Variants in UBE2L3 observed in about 807,000 individuals in gnomAD.
UBE2L3 encodes the protein ubiquitin conjugating enzyme E2 L3.
UBE2L3 carries 1 observed loss-of-function variant against 17.8 expected under a neutral mutation model. The observed-to-expected ratio is 0.06, with a 90% CI of 0.02 to 0.27. The LOEUF (loss-of-function observed/expected upper bound fraction) is 0.27, where lower values mean the gene tolerates loss of function less well. Among genes scored for constraint, UBE2L3 ranks in the 10% least tolerant of loss-of-function variants. The pLI is 1.00. For missense variants in UBE2L3, 40 were observed against 192.6 expected (o/e 0.21, Z 4.69); for synonymous variants, 44 against 68.5 (o/e 0.64, Z 1.76).
chr22:21,577,137 C>T lies in UBE2L3; in HGVS notation c.27+9366C>T, dbSNP rs891073476. The stretch of plus-strand genomic sequence containing the variant: ...GCGCTCGCCACTACACCCAGCTAAT[C>T]TTTTGTATTTTTAGTAGAAACGGGG... On this transcript the variant is annotated intron_variant, in intron 1 of 3. Transcript: ENST00000342192. Among the ~76,000 whole-genome samples, 4 of 151,624 alleles carry T rather than the reference C, an allele frequency of 2.6e-5. No individual in the cohort carries two copies. In the South Asian group the frequency reaches 8.3e-4, roughly 32 times the overall value.
intron 1 of UBE2L3, among the ~76,000 whole-genome samples, chr22:21,568,779 A>G (rs979022895): frequency 6.6e-6 from 1 of 152,064 alleles, no homozygotes; most frequent in African/African-American, 2.4e-5. Context: ...AGGGGAGATA[A>G]AGAGCTGGGG....
intron 1 of UBE2L3, among the ~76,000 whole-genome samples, chr22:21,561,880 TG>T (rs1444575511): frequency 6.6e-6 from 1 of 152,146 alleles, no homozygotes; most frequent in Non-Finnish European, 1.5e-5. Context: ...AGCCCAGTGA[TG>T]GGCCACTTCT....
chr22:21,571,297 TGC>T (rs1009722927), intron 1 of UBE2L3, among the ~76,000 whole-genome samples: 2 of 152,206 alleles, frequency 1.3e-5, no homozygotes, highest in African/African-American at 4.8e-5. Context: ...AGCTTCACAC[TGC>T]ACACATTTCC....
At chr22:21,559,992 G>A (rs533674705) in intron 1 of UBE2L3, among the ~76,000 whole-genome samples, 2 of 152,414 alleles carry the variant, frequency 1.3e-5, no homozygotes, top group Admixed American at 6.5e-5. Context: ...AGTATGGTGC[G>A]AGCTTCTAGC....
At chr22:21,584,453 G>A (rs932178176) in intron 1 of UBE2L3, among the ~76,000 whole-genome samples, 15 of 152,032 alleles carry the variant, frequency 9.9e-5, no homozygotes, top group African/African-American at 3.4e-4. Context: ...GGAATTACAG[G>A]CGTGAGCCAC....
chr22:21,601,684 A>G (rs1264426322), intron 2 of UBE2L3, among the ~76,000 whole-genome samples: 4 of 151,582 alleles, frequency 2.6e-5, no homozygotes, highest in Non-Finnish European at 5.9e-5. Flanking sequence ...AGCCTGGGGC[A>G]GGGCCAGGCA....
intron 1 of UBE2L3, among the ~76,000 whole-genome samples, chr22:21,586,103 T>A (rs753963371): frequency 6.6e-6 from 1 of 152,018 alleles, no homozygotes. Context: ...ACCTGGCTAA[T>A]TTTTTAATTT....
rs568216626 is a variant in UBE2L3, at chr22:21,579,979, A to C, written c.27+12208A>C. On this transcript the variant is annotated intron_variant, in intron 1 of 3. Coordinates refer to ENST00000342192, the MANE Select transcript of UBE2L3 (RefSeq NM_003347.4). ...TTTTGCCTGAGCAGTAGGAGCCTAG[A>C]AATATTCCTTGCACAACACAGGCAC... 8.5e-4 allele frequency among the ~76,000 whole-genome samples: 130 copies of C among 152,304 alleles called. 1 individual carries two copies. Among genetic ancestry groups the C allele is most frequent in the African/African-American group, 3.1e-3 (127 of 41,560 alleles).
intron 1 of UBE2L3, among the ~76,000 whole-genome samples, chr22:21,574,347 C>G (rs531174831): frequency 6.6e-6 from 1 of 152,116 alleles, no homozygotes; most frequent in Non-Finnish European, 1.5e-5. Flanking sequence ...TTAGTTACTT[C>G]GTCCGTGTGT....
At chr22:21,576,796 CTTTCCTTTTTTTT>C (rs1441287864) in intron 1 of UBE2L3, among the ~76,000 whole-genome samples, 1 of 136,318 alleles carries the variant, frequency 7.3e-6, no homozygotes, top group Non-Finnish European at 1.5e-5. Flanking sequence ...CTTGTCTTCT[CTTTCCTTTTTTTT>C]TTTTTTTTTT....
In UBE2L3 at chr22:21,593,042, A is replaced by G; in HGVS notation, c.123+86A>G. The G allele has an allele frequency of 3.4e-6, 4 of 1,182,942 alleles. No individual in the cohort carries two copies. In the South Asian group the frequency reaches 3.7e-5, roughly 11 times the overall value. 73.3% of individuals were successfully genotyped at this position (1,182,942 alleles called of 1,614,324 possible). A position where few individuals can be genotyped will look rare whatever the true frequency, so the allele number is the denominator to read the frequency against. On this transcript the variant is annotated intron_variant, in intron 2 of 3. Transcript: ENST00000342192. The stretch of plus-strand genomic sequence containing the variant: ...TGGGCTTGTTTTTCTGCTCCTTAGT[A>G]GGCTCTTAGTCTAGGCAGCCAGCAG...
rs369707082 is a variant in UBE2L3, at chr22:21,578,284, C to T, written c.27+10513C>T. 1.6e-4 allele frequency among the ~76,000 whole-genome samples: 24 copies of T among 151,466 alleles called. No individual in the cohort carries two copies. In the East Asian group the frequency reaches 3.5e-3, roughly 22 times the overall value. ...CTGAGGCAGGAGAATGGTGTGAACC[C>T]GGGAGTCGGAGCTTGTAGTGAGCCG... On this transcript the variant is annotated intron_variant, in intron 1 of 3. Coordinates refer to ENST00000342192, the MANE Select transcript of UBE2L3 (RefSeq NM_003347.4).
chr22:21,606,062 T>G (rs1929140646), intron 2 of UBE2L3, among the ~76,000 whole-genome samples: 2 of 152,252 alleles, frequency 1.3e-5, no homozygotes, highest in African/African-American at 4.8e-5. Context: ...AGGCTGTTGC[T>G]ACTCCCATTT....
At chr22:21,566,809 A>G (rs1926656765), upstream of UBE2L3, among the ~76,000 whole-genome samples, 1 of 151,730 alleles carries the variant, frequency 6.6e-6, no homozygotes, top group Non-Finnish European at 1.5e-5. Flanking sequence ...ATTCTCCTCC[A>G]GTCCTCCCAG....
chr22:21,603,907 A>AT (rs144747629), intron 2 of UBE2L3, among the ~76,000 whole-genome samples: 8,652 of 111,318 alleles, frequency 0.078, 521 homozygotes, highest in African/African-American at 0.12. Context: ...GTGTTTTTTG[A>AT]TTTTTTTTTT....
intron 1 of UBE2L3, among the ~76,000 whole-genome samples, chr22:21,592,192 C>T (rs562502066): frequency 3.3e-5 from 5 of 152,228 alleles, no homozygotes; most frequent in African/African-American, 1.2e-4. Flanking sequence ...ACATGGCTTC[C>T]CTTTCCTTTT....
At chr22:21,563,547 C>T (rs1247727123), upstream of UBE2L3, among the ~76,000 whole-genome samples, 13 of 145,616 alleles carry the variant, frequency 8.9e-5, no homozygotes, top group Admixed American at 6.2e-4. Context: ...GGGCGAAGAG[C>T]GAGACTCCGT....
At chr22:21,580,431 T>C (rs1927560409) in intron 1 of UBE2L3, among the ~76,000 whole-genome samples, 1 of 152,148 alleles carries the variant, frequency 6.6e-6, no homozygotes, top group South Asian at 2.1e-4. Flanking sequence ...CTTGTTGGAA[T>C]TACTCTTTTC....
At chr22:21,608,682 C>T (rs1325379526) in intron 2 of UBE2L3, among the ~76,000 whole-genome samples, 3 of 151,934 alleles carry the variant, frequency 2.0e-5, no homozygotes, top group African/African-American at 7.3e-5. Context: ...AGCTTAGCCT[C>T]CCAAAGTGCT....
Sources: allele counts gnomAD v4.1 joint callset (sites outside exome capture counted in the v4.1 genomes callset), GRCh38; gene constraint gnomAD v4.1.1; transcripts MANE v1.5; gene names NCBI Gene and HGNC (gene_info 2026-07-23, HGNC 2026-07-21).